Variants in CNTN4 observed in about 807,000 individuals in gnomAD.
The protein encoded by CNTN4 is contactin 4.
A neutral mutation model predicts 122.5 loss-of-function variants in CNTN4; 77 were observed. The ratio of observed to expected loss-of-function variants is 0.63; its 90% CI spans 0.52 to 0.76. The LOEUF is 0.76. CNTN4 is among the 30% of genes least tolerant of loss of function. The pLI is 0.00. For missense variants in CNTN4, 1,256 were observed against 1,259.1 expected (o/e 1.00, Z 0.04); for synonymous variants, 512 against 447.0 (o/e 1.15, Z -1.83).
intron 3 of CNTN4, among the ~76,000 whole-genome samples, chr3:2,374,514 G>T (rs1366592777): frequency 6.6e-6 from 1 of 152,102 alleles, no homozygotes; most frequent in Non-Finnish European, 1.5e-5. Context: ...TAGGTCCTCA[G>T]AAGTCCTCTG....
intron 3 of CNTN4, among the ~76,000 whole-genome samples, chr3:2,498,981 G>T (rs1354374685): frequency 6.6e-6 from 1 of 151,910 alleles, no homozygotes; most frequent in Non-Finnish European, 1.5e-5. Flanking sequence ...GTAGAGATAG[G>T]GTTTCAACAT....
At chr3:2,839,537 A>T (rs2093306107) in intron 7 of CNTN4, among the ~76,000 whole-genome samples, 1 of 152,196 alleles carries the variant, frequency 6.6e-6, no homozygotes, top group Admixed American at 6.5e-5. Context: ...TTCCTTGTCA[A>T]GTTACTGTAG....
At chr3:2,331,435 G>T (rs970995724) in intron 2 of CNTN4, among the ~76,000 whole-genome samples, 18 of 152,076 alleles carry the variant, frequency 1.2e-4, no homozygotes, top group African/African-American at 4.3e-4. Flanking sequence ...GCCATCATCT[G>T]CCCATGAGAT....
chr3:2,617,353 A>G lies in CNTN4; in HGVS notation c.55+45795A>G, dbSNP rs1391860789. On this transcript the variant is annotated intron_variant, in intron 4 of 24. Transcript: ENST00000418658. Reference sequence around the variant, plus strand: ...GATATGAACAGACACTTCTCAAAAGAAGACATTTATGTAGCCAAGAAACAT... The same window carrying G: ...GATATGAACAGACACTTCTCAAAAGGAGACATTTATGTAGCCAAGAAACAT... Among the ~76,000 whole-genome samples the G allele has an allele frequency of 4.6e-5, 7 of 151,118 alleles. No individual in the cohort carries two copies. In the East Asian group the frequency reaches 1.3e-3, roughly 29 times the overall value.
intron 7 of CNTN4, among the ~76,000 whole-genome samples, chr3:2,857,844 G>A (rs577028851): frequency 6.6e-6 from 1 of 152,258 alleles, no homozygotes; most frequent in South Asian, 2.1e-4. Flanking sequence ...TCTAATGTCA[G>A]TTCTGTATGA....
intron 10 of CNTN4, chr3:2,892,070 A>C (rs2094048167): frequency 6.6e-6 from 1 of 152,250 alleles, no homozygotes; most frequent in Admixed American, 6.5e-5. Context: ...ATGGAAATTG[A>C]GTCCCAAAGA....
At position 2,504,204 on chromosome 3, in the gene CNTN4, G is replaced by A. The variant is rs75493096; in HGVS notation, c.-88-67212G>A. Reference sequence around the variant, plus strand: ...TTTTTAGCACTAGTAGATATGAAGAGGGATGTCTCGTTTTCAGTTTAAGGC... The same window carrying A: ...TTTTTAGCACTAGTAGATATGAAGAAGGATGTCTCGTTTTCAGTTTAAGGC... On this transcript the variant is annotated intron_variant, in intron 3 of 24. Coordinates refer to ENST00000418658, the MANE Select transcript of CNTN4 (RefSeq NM_175607.3). 3.7e-3 allele frequency among the ~76,000 whole-genome samples: 569 copies of A among 152,194 alleles called. 2 individuals carry two copies. Among genetic ancestry groups the A allele is most frequent in the African/African-American group, 0.013 (546 of 41,530 alleles).
chr3:2,447,205 C>G (rs34966409), intron 3 of CNTN4, among the ~76,000 whole-genome samples: 37,939 of 151,850 alleles, frequency 0.25, 5,748 homozygotes, highest in Non-Finnish European at 0.36. Context: ...GTATCTTTTC[C>G]CAGTACCCCA....
intron 3 of CNTN4, among the ~76,000 whole-genome samples, chr3:2,548,411 A>G (rs562895548): frequency 3.8e-4 from 58 of 152,098 alleles, no homozygotes; most frequent in Non-Finnish European, 6.5e-4. Flanking sequence ...AGTTTTCCCA[A>G]TACCATTTAT....
chr3:2,705,843 AATATATAATATATGTGT>A lies in CNTN4; in HGVS notation c.56-30371_56-30355del, dbSNP rs1268145169. The stretch of plus-strand genomic sequence containing the variant: ...TATATAATAAATATATATAATATAT[AATATATAATATATGTGT>A]TTATATATAATATATATTTTTTATA... On this transcript the variant is annotated intron_variant, in intron 4 of 24. Coordinates refer to ENST00000418658, the MANE Select transcript of CNTN4 (RefSeq NM_175607.3). Among the ~76,000 whole-genome samples, 11 of 102,480 alleles carry A rather than the reference AATATATAATATATGTGT, an allele frequency of 1.1e-4. No individual in the cohort carries two copies. In the East Asian group the frequency reaches 1.6e-3, roughly 14 times the overall value. The allele number at this position is 102,480 out of a possible 152,430, so 67.2% of individuals were successfully genotyped here.
At position 2,869,384 on chromosome 3, in the gene CNTN4, A is replaced by G. The variant is rs1040412965; in HGVS notation, c.652+2435A>G. On this transcript the variant is annotated intron_variant, in intron 8 of 24. Coordinates refer to ENST00000418658, the MANE Select transcript of CNTN4 (RefSeq NM_175607.3). The stretch of plus-strand genomic sequence containing the variant: ...TGGATTCAGGATATAGTTTGCTGGT[A>G]AAGCTGCGAGAACCTGATCATTCCT... Among the ~76,000 whole-genome samples, 3 of 152,320 alleles carry G rather than the reference A, an allele frequency of 2.0e-5. No individual in the cohort carries two copies. The East Asian group carries it at 5.8e-4, about 29-fold the overall frequency.
intron 3 of CNTN4, among the ~76,000 whole-genome samples, chr3:2,384,345 A>G (rs2046154366): frequency 6.6e-6 from 1 of 152,188 alleles, no homozygotes; most frequent in South Asian, 2.1e-4. Context: ...TAGCCGTGGC[A>G]TGCTTCCACC....
intron 2 of CNTN4, among the ~76,000 whole-genome samples, chr3:2,267,399 C>G (rs1019712207): frequency 6.6e-6 from 1 of 151,938 alleles, no homozygotes; most frequent in African/African-American, 2.4e-5. Context: ...TTTTTGAAAT[C>G]CTGAAATGAT....
intron 6 of CNTN4, among the ~76,000 whole-genome samples, chr3:2,758,638 C>G (rs2090449259): frequency 6.6e-6 from 1 of 150,726 alleles, no homozygotes. Flanking sequence ...TCCTGAGTAG[C>G]TGGGATTACA....
rs537822822 is a variant in CNTN4 at position 3,024,756 on chromosome 3, T to C, written c.1487-1346T>C. Among the ~76,000 whole-genome samples, 544 of 152,314 alleles carry C rather than the reference T, an allele frequency of 3.6e-3. 8 individuals carry two copies. The highest frequency in any genetic ancestry group is 0.013 in the African/African-American group (526 of 41,576). On this transcript the variant is annotated intron_variant, in intron 14 of 24. Coordinates refer to ENST00000418658, the MANE Select transcript of CNTN4 (RefSeq NM_175607.3). ...TAGAAAAAATGTTTTAAATACTCTC[T>C]TTAAAGAGGAAATTTTAGCATGGGT...
chr3:2,133,225 A>G (rs933502180), intron 2 of CNTN4, among the ~76,000 whole-genome samples: 1 of 152,184 alleles, frequency 6.6e-6, no homozygotes, highest in Non-Finnish European at 1.5e-5. Context: ...TTCTCCTTAG[A>G]GGAAGATAAA....
At chr3:2,895,148 G>T (rs774814120) in intron 10 of CNTN4, among the ~76,000 whole-genome samples, 4 of 152,096 alleles carry the variant, frequency 2.6e-5, no homozygotes, top group Non-Finnish European at 5.9e-5. Context: ...GCTAATTTTT[G>T]TATTTTTAGG....
At chr3:2,305,355 C>G (rs2042667365) in intron 2 of CNTN4, among the ~76,000 whole-genome samples, 1 of 152,108 alleles carries the variant, frequency 6.6e-6, no homozygotes. Context: ...TCACAGCACA[C>G]TTGTTTCAGG....
At chr3:2,474,196 C>T (rs571676998) in intron 3 of CNTN4, among the ~76,000 whole-genome samples, 4 of 152,210 alleles carry the variant, frequency 2.6e-5, no homozygotes, top group African/African-American at 9.6e-5. Flanking sequence ...TCCCTTAGCA[C>T]AGCATTTCAT....
Sources: allele counts gnomAD v4.1 joint callset (sites outside exome capture counted in the v4.1 genomes callset), GRCh38; gene constraint gnomAD v4.1.1; transcripts MANE v1.5; gene names NCBI Gene and HGNC (gene_info 2026-07-23, HGNC 2026-07-21).